Variants in ZMYM2 observed in about 807,000 individuals in gnomAD.
ZMYM2 encodes zinc finger MYM-type containing 2.
A neutral mutation model predicts 162.8 loss-of-function variants in ZMYM2; 56 were observed. The observed-to-expected ratio is 0.34, with a 90% CI of 0.28 to 0.43. The LOEUF is 0.43. Ranked by LOEUF, ZMYM2 falls within the 20% of genes least tolerant of loss-of-function variation. ZMYM2 has a pLI of 1.00. For synonymous variants in ZMYM2, 510 were observed against 541.6 expected (o/e 0.94, Z 0.81); for missense variants, 1,275 against 1,621.8 (o/e 0.79, Z 3.67).
the ZMYM2 span, among the ~76,000 whole-genome samples, chr13:19,892,861 C>T: frequency 4.0e-5 from 6 of 150,024 alleles, no homozygotes; most frequent in South Asian, 4.2e-4. Flanking sequence ...ACTACAGGCA[C>T]GCGCCACCGC....
chr13:19,887,975 G>A, the ZMYM2 span, among the ~76,000 whole-genome samples: 505 of 151,128 alleles, frequency 3.3e-3, 1 homozygote, highest in South Asian at 0.025. Flanking sequence ...TCCGCCTTCC[G>A]GGTTCAAGCG....
chr13:20,078,945 T>G (rs1957710974), intron 21 of ZMYM2, among the ~76,000 whole-genome samples: 1 of 151,954 alleles, frequency 6.6e-6, no homozygotes, highest in African/African-American at 2.4e-5. Context: ...TCTAGTTTTC[T>G]CATGTATAGT....
rs191218374 is a variant in ZMYM2, at chr13:20,077,469, A to C, written c.3454-4547A>C. Among the ~76,000 whole-genome samples, 35 of 150,812 alleles carry C rather than the reference A, an allele frequency of 2.3e-4. No homozygotes were observed. In the East Asian group the frequency reaches 5.8e-3, roughly 25 times the overall value. On this transcript the variant is annotated intron_variant, in intron 21 of 24. Transcript: ENST00000610343. ...AAATACACAGACAAATAATATTTAA[A>C]TAATGTTATGCTCGTGTTGTATACA...
At chr13:20,067,415 A>G in intron 21 of ZMYM2, 25 bp downstream of exon 21, 3 of 1,578,084 alleles carry the variant, frequency 1.9e-6, no homozygotes, top group South Asian at 2.3e-5. Flanking sequence ...GGCTGCTTTC[A>G]AGTATAACAT....
At chr13:19,918,810 A>G in the ZMYM2 span, among the ~76,000 whole-genome samples, 9 of 152,070 alleles carry the variant, frequency 5.9e-5, no homozygotes, top group Admixed American at 2.6e-4. Flanking sequence ...AAAACCTCTT[A>G]TTTTCAAATA....
chr13:19,994,602 C>T (rs1484818240), intron 3 of ZMYM2, among the ~76,000 whole-genome samples: 1 of 151,834 alleles, frequency 6.6e-6, no homozygotes, highest in Non-Finnish European at 1.5e-5. Context: ...CGATTCTCCT[C>T]CCTCAGCCTT....
chr13:20,051,367 C>T, intron 12 of ZMYM2, 66 bp from the exon 13 acceptor site: 2 of 1,539,800 alleles, frequency 1.3e-6, no homozygotes, highest in Non-Finnish European at 1.8e-6. Context: ...GCAATAATCA[C>T]TGATAAACTT....
intron 21 of ZMYM2, chr13:20,071,931 T>G (rs1957116914): frequency 5.2e-6 from 1 of 192,378 alleles, no homozygotes; most frequent in Middle Eastern, 6.1e-4. Context: ...CTAGTAAGCT[T>G]CTCTGTATTT....
Position 20,086,847 on chromosome 13 carries a change from A to G in ZMYM2, c.*833A>G, listed in dbSNP as rs1958304132. 6.0e-6 allele frequency: 1 copy of G among 165,638 alleles called. No homozygotes were observed. The highest frequency in any genetic ancestry group is 2.4e-5 in the African/African-American group (1 of 41,608). 10.3% of individuals were successfully genotyped at this position (165,638 alleles called of 1,614,324 possible). On this transcript the variant is annotated 3_prime_UTR_variant, in exon 25 of 25. Transcript: ENST00000610343. The stretch of plus-strand genomic sequence containing the variant: ...GATCATCAAGACATTTCCTTTGTAA[A>G]AATGTCTGGTGAAAGTATAAAATTC...
chr13:19,968,470 T>A (rs1472852636), intron 2 of ZMYM2, among the ~76,000 whole-genome samples: 3 of 152,146 alleles, frequency 2.0e-5, no homozygotes, highest in Non-Finnish European at 2.9e-5. Flanking sequence ...CCATGTTAGC[T>A]AGGCTGGTCT....
At chr13:19,914,357 G>A in the ZMYM2 span, among the ~76,000 whole-genome samples, 2 of 152,162 alleles carry the variant, frequency 1.3e-5, no homozygotes, top group Non-Finnish European at 2.9e-5. Context: ...TTGTCCATTG[G>A]GCTCATGAAC....
intron 6 of ZMYM2, among the ~76,000 whole-genome samples, chr13:20,016,882 A>G (rs1227158611): frequency 6.6e-6 from 1 of 152,224 alleles, no homozygotes; most frequent in Non-Finnish European, 1.5e-5. Flanking sequence ...CTGTTATCAA[A>G]TATGGCAAGT....
At chr13:19,908,907 T>C in the ZMYM2 span, among the ~76,000 whole-genome samples, 2 of 152,164 alleles carry the variant, frequency 1.3e-5, no homozygotes, top group Non-Finnish European at 2.9e-5. Flanking sequence ...CAGAAAGCTT[T>C]GACCTTGAGG....
upstream of ZMYM2, among the ~76,000 whole-genome samples, chr13:19,958,485 G>C (rs1207764854): frequency 1.3e-5 from 2 of 151,996 alleles, no homozygotes; most frequent in African/African-American, 2.4e-5. Flanking sequence ...GACCGGCGGG[G>C]AGGGGACCCG....
intron 21 of ZMYM2, chr13:20,071,715 A>G (rs765048451): frequency 6.0e-5 from 10 of 166,420 alleles, no homozygotes; most frequent in Non-Finnish European, 7.9e-5. Context: ...TTTCTGGTTC[A>G]GCTTTAGGAA....
intron 21 of ZMYM2, chr13:20,072,277 T>G (rs1376477404): frequency 2.0e-5 from 3 of 152,612 alleles, no homozygotes; most frequent in African/African-American, 7.2e-5. Context: ...CCCAACACTT[T>G]GGGAGGCCAA....
At chr13:20,065,874 CAAAAAT>C (rs1956635461) in intron 19 of ZMYM2, among the ~76,000 whole-genome samples, 1 of 152,072 alleles carries the variant, frequency 6.6e-6, no homozygotes, top group Non-Finnish European at 1.5e-5. Flanking sequence ...CTTAAAAAAA[CAAAAAT>C]AAAACAATAA....
the ZMYM2 span, among the ~76,000 whole-genome samples, chr13:19,909,473 T>A: frequency 2.8e-5 from 4 of 143,936 alleles, no homozygotes; most frequent in African/African-American, 7.7e-5. Flanking sequence ...ACTCTTGTCG[T>A]GCAGGCTGGA....
chr13:20,022,032 T>C (rs1723474552), intron 7 of ZMYM2, among the ~76,000 whole-genome samples: 2 of 152,312 alleles, frequency 1.3e-5, no homozygotes, highest in South Asian at 4.1e-4. Context: ...GGCCTCAAGC[T>C]TTGGCAGCCA....
Sources: gnomAD v4.1 joint callset for allele counts (sites outside exome capture counted in the v4.1 genomes callset) on GRCh38, gnomAD v4.1.1 for gene constraint, MANE v1.5 for transcripts, NCBI Gene and HGNC (gene_info 2026-07-23, HGNC 2026-07-21) for gene names.